CPVL: variants seen among roughly 807,000 people sequenced by gnomAD.
The protein encoded by CPVL is carboxypeptidase vitellogenic like, also known as probable serine carboxypeptidase CPVL.
Under a neutral mutation model 63.7 loss-of-function variants are expected in CPVL, and 51 were observed. The observed-to-expected ratio is 0.80, with a 90% confidence interval of 0.64 to 1.01. The LOEUF is 1.01. Ranked by LOEUF, CPVL falls within the 50% of genes least tolerant of loss-of-function variation. CPVL has a pLI of 0.00. For missense variants in CPVL, 530 were observed against 573.1 expected, an observed-to-expected ratio of 0.92 and a Z score of 0.77; for synonymous variants, 195 against 206.0, an observed-to-expected ratio of 0.95 and a Z score of 0.46.
chr7:29,024,654 CAGA>C (rs1469716097), intron 12 of CPVL, among the ~76,000 whole-genome samples: 1 of 152,184 alleles, frequency 6.6e-6, no homozygotes, highest in Non-Finnish European at 1.5e-5. Flanking sequence ...GTTTTCTCAG[CAGA>C]AACTTATAAG....
chr7:29,110,090 T>C (rs1788105829), intron 3 of CPVL, among the ~76,000 whole-genome samples: 1 of 152,236 alleles, frequency 6.6e-6, no homozygotes. Context: ...CCTTAGTTCC[T>C]GTTTTTACAA....
intron 11 of CPVL, among the ~76,000 whole-genome samples, chr7:29,046,241 C>T (rs1342476089): frequency 2.0e-5 from 3 of 152,040 alleles, no homozygotes; most frequent in Admixed American, 6.6e-5. Context: ...TGCACCACCA[C>T]ACCCGGCTAA....
chr7:29,073,726 T>C lies in CPVL; in HGVS notation c.610-1303A>G, dbSNP rs189427081. ...TCTCCAACAAACTTTTACTTACTTA[T>C]CTTATATACTGTTATTCTCCTACCC... On this transcript the variant is annotated intron_variant, in intron 7 of 12. Coordinates refer to ENST00000265394, the MANE Select transcript of CPVL (RefSeq NM_031311.5). Among the ~76,000 whole-genome samples, 381 of 152,346 alleles carry C rather than the reference T, an allele frequency of 2.5e-3. 2 individuals are homozygous for C. The highest frequency in any genetic ancestry group is 4.1e-3 in the Non-Finnish European group (281 of 68,034).
At chr7:29,131,695 T>G (rs773618870) in intron 1 of CPVL, among the ~76,000 whole-genome samples, 1 of 152,216 alleles carries the variant, frequency 6.6e-6, no homozygotes, top group African/African-American at 2.4e-5. Context: ...GTACTTTTTG[T>G]AGAAATGGAA....
chr7:29,096,531 T>TG (rs977466362), intron 3 of CPVL: 4 of 399,518 alleles, frequency 1.0e-5, no homozygotes, highest in Non-Finnish European at 1.8e-5. Flanking sequence ...GCATACTGCC[T>TG]GGGGCATGGT....
intron 7 of CPVL, among the ~76,000 whole-genome samples, chr7:29,084,409 C>T (rs1027493041): frequency 6.6e-6 from 1 of 152,212 alleles, no homozygotes; most frequent in Non-Finnish European, 1.5e-5. Flanking sequence ...TCTCGTCAGA[C>T]AATCTTATCC....
intron 1 of CPVL, among the ~76,000 whole-genome samples, chr7:29,133,813 GA>G (rs1312370916): frequency 6.6e-6 from 1 of 152,202 alleles, no homozygotes; most frequent in Non-Finnish European, 1.5e-5. Flanking sequence ...ATAGTTTGCA[GA>G]GAATGAAGGC....
chr7:29,052,520 T>G (rs1213709361), intron 11 of CPVL, among the ~76,000 whole-genome samples: 1 of 150,566 alleles, frequency 6.6e-6, no homozygotes, highest in Non-Finnish European at 1.5e-5. Context: ...ATTAAAACTT[T>G]TGGACTTTGA....
chr7:29,152,936 T>C (rs1168701153), intron 5 of CPVL, among the ~76,000 whole-genome samples: 1 of 152,226 alleles, frequency 6.6e-6, no homozygotes, highest in African/African-American at 2.4e-5. Flanking sequence ...TTCCAGAGCC[T>C]GCATGCCACT....
chr7:29,027,656 A>G (rs1190538840), intron 12 of CPVL, among the ~76,000 whole-genome samples: 1 of 152,204 alleles, frequency 6.6e-6, no homozygotes, highest in Non-Finnish European at 1.5e-5. Flanking sequence ...TCAACATACA[A>G]AACTCACTAG....
At chr7:29,144,330 G>T (rs766666947) in intron 1 of CPVL, among the ~76,000 whole-genome samples, 1 of 149,550 alleles carries the variant, frequency 6.7e-6, no homozygotes, top group Non-Finnish European at 1.5e-5. Context: ...GAAGGCCGAG[G>T]TGGGAGGATC....
intron 9 of CPVL, among the ~76,000 whole-genome samples, chr7:29,070,035 A>G (rs1783587831): frequency 6.6e-6 from 1 of 152,144 alleles, no homozygotes; most frequent in Admixed American, 6.6e-5. Context: ...ACACATTTCA[A>G]CCACAAGTTG....
At chr7:29,061,303 CT>C (rs1791253346) in intron 11 of CPVL, among the ~76,000 whole-genome samples, 1 of 152,092 alleles carries the variant, frequency 6.6e-6, no homozygotes, top group South Asian at 2.1e-4. Flanking sequence ...ATCTCAGCTA[CT>C]CAGGAGGCTG....
rs245919 is a variant in CPVL at position 29,184,928 on chromosome 7, C to A, written c.-261-380G>T. On this transcript the variant is annotated intron_variant, in intron 3 of 16. Coordinates refer to the CPVL transcript ENST00000409850. ...GTGGATAAGGACAAAAATCTTTGGGCATAAAGAGTCAGCTAAAATACTTTC... is the reference window on the plus strand; with the variant it reads ...GTGGATAAGGACAAAAATCTTTGGGAATAAAGAGTCAGCTAAAATACTTTC... Among the ~76,000 whole-genome samples, 6 of 152,068 alleles carry A rather than the reference C, an allele frequency of 3.9e-5. No individual in the cohort carries two copies. In the South Asian group the frequency reaches 1.0e-3, roughly 26 times the overall value.
At chr7:29,144,457 A>T (rs139243610) in intron 1 of CPVL, among the ~76,000 whole-genome samples, 2,392 of 152,282 alleles carry the variant, frequency 0.016, 52 homozygotes, top group African/African-American at 0.053. Context: ...GCTACTCAGG[A>T]GGCTGAGGCA....
At chr7:29,048,333 A>G (rs1440355249) in intron 11 of CPVL, among the ~76,000 whole-genome samples, 1 of 152,202 alleles carries the variant, frequency 6.6e-6, no homozygotes, top group African/African-American at 2.4e-5. Flanking sequence ...CACCTAACAC[A>G]TAAGGACTCA....
In CPVL at chr7:29,075,519, T is replaced by TAAAAAAAAAAAAAAAA. The variant is rs10658501; in HGVS notation, c.610-3112_610-3097dup. ...TCTTTTCTATTGAGAAGATACTTCT[T>TAAAAAAAAAAAAAAAA]AAAAAAAAAAAAAAAAAAGCCATCA... On this transcript the variant is annotated intron_variant, in intron 7 of 12. Coordinates refer to ENST00000265394, the MANE Select transcript of CPVL (RefSeq NM_031311.5). 3.9e-5 allele frequency among the ~76,000 whole-genome samples: 5 copies of TAAAAAAAAAAAAAAAA among 128,978 alleles called. 2 individuals carry two copies. Among genetic ancestry groups the TAAAAAAAAAAAAAAAA allele is most frequent in the Non-Finnish European group, 4.8e-5 (3 of 62,296 alleles). 84.6% of individuals were successfully genotyped at this position (128,978 alleles called of 152,430 possible).
At chr7:29,165,239 A>T (rs556863517) in intron 5 of CPVL, among the ~76,000 whole-genome samples, 1 of 152,260 alleles carries the variant, frequency 6.6e-6, no homozygotes, top group African/African-American at 2.4e-5. Context: ...TTTTGATATA[A>T]AGGTCTTGCA....
intron 11 of CPVL, among the ~76,000 whole-genome samples, chr7:29,038,775 T>C (rs1788787726): frequency 6.6e-6 from 1 of 152,242 alleles, no homozygotes; most frequent in African/African-American, 2.4e-5. Context: ...AATCCAACAC[T>C]ATCCATTTAT....
Sources: gnomAD v4.1 joint callset for allele counts (sites outside exome capture counted in the v4.1 genomes callset) on GRCh38, gnomAD v4.1.1 for gene constraint, MANE v1.5 for transcripts, NCBI Gene and HGNC (gene_info 2026-07-23, HGNC 2026-07-21) for gene names.